Variants in TMC2 observed in about 807,000 individuals in gnomAD.
The protein encoded by TMC2 is transmembrane channel-like protein 2.
In TMC2, 102 loss-of-function variants were observed where a neutral mutation model predicts 105.9. That is an observed-to-expected ratio of 0.96 (90% CI 0.82 to 1.14). The LOEUF is 1.14. Among genes scored for constraint, TMC2 ranks in the 50% most tolerant of loss-of-function variants. TMC2 has a pLI of 0.00. For synonymous variants in TMC2, 402 were observed against 422.8 expected, an observed-to-expected ratio of 0.95 and a Z score of 0.60; for missense variants, 1,093 against 1,134.3, an observed-to-expected ratio of 0.96 and a Z score of 0.52.
chr20:2,555,340 C>G (rs2085979419), intron 2 of TMC2, among the ~76,000 whole-genome samples: 1 of 152,202 alleles, frequency 6.6e-6, no homozygotes, highest in African/African-American at 2.4e-5. Flanking sequence ...CTCAGCCTCC[C>G]AAAGTGCTGG....
chr20:2,585,416 T>C (rs2146204307), intron 7 of TMC2, among the ~76,000 whole-genome samples: 1 of 152,320 alleles, frequency 6.6e-6, no homozygotes, highest in Admixed American at 6.5e-5. Flanking sequence ...CATTATCTAT[T>C]GCTGGGTAAC....
chr20:2,611,823 T>C (rs1332674981), intron 12 of TMC2, among the ~76,000 whole-genome samples: 2 of 142,046 alleles, frequency 1.4e-5, no homozygotes, highest in Admixed American at 1.5e-4. Context: ...AATGCTTAGA[T>C]GGATGAATGG....
At chr20:2,553,452 G>A (rs2085968469) in intron 2 of TMC2, among the ~76,000 whole-genome samples, 1 of 152,006 alleles carries the variant, frequency 6.6e-6, no homozygotes, top group South Asian at 2.1e-4. Flanking sequence ...TTTGGCCTTG[G>A]TATACAACTC....
intron 12 of TMC2, among the ~76,000 whole-genome samples, chr20:2,611,636 G>A (rs2086439023): frequency 6.6e-6 from 1 of 152,106 alleles, no homozygotes; most frequent in Admixed American, 6.6e-5. Context: ...GTATCAGTCT[G>A]TTCTGTAATT....
chr20:2,598,197 GAA>G (rs11472755), intron 10 of TMC2, among the ~76,000 whole-genome samples: 2 of 132,400 alleles, frequency 1.5e-5, no homozygotes, highest in African/African-American at 2.9e-5. Context: ...CTAGTGAAAT[GAA>G]AAAAAAAAAA....
chr20:2,638,327 A>G (rs1568533818), intron 19 of TMC2, among the ~76,000 whole-genome samples: 1 of 104,948 alleles, frequency 9.5e-6, no homozygotes, highest in Non-Finnish European at 2.0e-5. Context: ...ACTGCACTCC[A>G]GCCTGGGCAA....
intron 2 of TMC2, among the ~76,000 whole-genome samples, chr20:2,539,157 G>A (rs974767810): frequency 1.3e-5 from 2 of 152,204 alleles, no homozygotes; most frequent in East Asian, 3.8e-4. Context: ...TTACATTTAG[G>A]AGAGCGTGTG....
At chr20:2,600,434 T>G (rs1456438535) in intron 10 of TMC2, among the ~76,000 whole-genome samples, 1 of 152,078 alleles carries the variant, frequency 6.6e-6, no homozygotes, top group Non-Finnish European at 1.5e-5. Context: ...TCCCAGCACT[T>G]TGGGAGGCTG....
intron 10 of TMC2, 108 bp downstream of exon 10, chr20:2,597,406 T>A (rs2086316714): frequency 3.4e-6 from 4 of 1,172,734 alleles, no homozygotes; most frequent in Non-Finnish European, 4.8e-6. Context: ...AAATAATTTG[T>A]GGCAAGAGCC....
At chr20:2,545,382 G>A (rs1019440921) in intron 2 of TMC2, among the ~76,000 whole-genome samples, 5 of 152,086 alleles carry the variant, frequency 3.3e-5, no homozygotes, top group African/African-American at 4.8e-5. Context: ...TACTGACCTC[G>A]TTTTCCTAGA....
chr20:2,610,448 GT>G lies in TMC2; in HGVS notation c.1447del (p.Cys483ValfsTer20). The G allele has an allele frequency of 6.2e-7, 1 of 1,612,732 alleles. No homozygotes were observed. On this transcript the variant is annotated frameshift_variant, in exon 12 of 20. Coordinates refer to ENST00000358864, the MANE Select transcript of TMC2 (RefSeq NM_080751.3). LOFTEE classifies it high-confidence loss of function. ...VEIVMSLLGM[F>X]CPPLFETIAA... Reference sequence around the variant, plus strand: ...AGATCGTGATGTCCCTGCTTGGAATGTTTTGTCCCCCTCTGTTTGAAACCAT... The same window carrying G: ...AGATCGTGATGTCCCTGCTTGGAATGTTTGTCCCCCTCTGTTTGAAACCAT...
intron 4 of TMC2, among the ~76,000 whole-genome samples, chr20:2,570,929 G>T (rs2122854370): frequency 6.6e-6 from 1 of 152,168 alleles, no homozygotes; most frequent in Non-Finnish European, 1.5e-5. Context: ...AATGGTGCTG[G>T]GATAACTGGC....
Position 2,616,171 on chromosome 20 carries a change from T to C in TMC2, c.1907T>C (p.Val636Ala), listed in dbSNP as rs1243408846. Residue 636 changes from valine (V) to alanine (A), a missense_variant, in exon 15 of 20, where the codon GTG (valine) becomes GCG (alanine). Val to Ala is a moderately conservative substitution (Grantham distance 64). Transcript: ENST00000358864. The surrounding 1 kb of genome is among the most constrained non-coding windows in gnomAD (Gnocchi z 4.8). The part of the protein sequence containing the change: ...SYAEFDISGN[V>A]LGLIFNQGMI... Reference sequence around the variant, plus strand: ...GCTGAGTTTGATATTAGTGGAAATGTGCTGGGTTTGATCTTCAACCAAGGA... The same window carrying C: ...GCTGAGTTTGATATTAGTGGAAATGCGCTGGGTTTGATCTTCAACCAAGGA... 1.2e-6 allele frequency: 2 copies of C among 1,613,628 alleles called. No individual in the cohort carries two copies. The highest frequency in any genetic ancestry group is 1.7e-6 in the Non-Finnish European group (2 of 1,179,718).
rs559174785 is a variant in TMC2 at position 2,605,860 on chromosome 20, T to C, written c.1413+3559T>C. Among the ~76,000 whole-genome samples, 65 of 152,202 alleles carry C rather than the reference T, an allele frequency of 4.3e-4. 1 individual carries two copies. The highest frequency in any genetic ancestry group is 7.8e-4 in the Non-Finnish European group (53 of 68,002). ...GGCAGCTTGCTGTTTAGGCTGGAAG[T>C]GGAAAAGAGAAGGAAAAGGTGCTGT... On this transcript the variant is annotated intron_variant, in intron 11 of 19. Coordinates refer to ENST00000358864, the MANE Select transcript of TMC2 (RefSeq NM_080751.3).
intron 7 of TMC2, among the ~76,000 whole-genome samples, chr20:2,582,754 G>C (rs955816036): frequency 6.6e-6 from 1 of 152,200 alleles, no homozygotes; most frequent in Non-Finnish European, 1.5e-5. Flanking sequence ...GGGATTACAG[G>C]CATGAGCCAC....
intron 2 of TMC2, among the ~76,000 whole-genome samples, chr20:2,544,925 G>A (rs1600094330): frequency 6.6e-6 from 1 of 151,876 alleles, no homozygotes; most frequent in African/African-American, 2.4e-5. Flanking sequence ...GCCAGGCATG[G>A]TGGCGCATAC....
chr20:2,596,494 G>A (rs4815397), intron 9 of TMC2, among the ~76,000 whole-genome samples: 34,336 of 151,768 alleles, frequency 0.23, 4,242 homozygotes, highest in East Asian at 0.36. Context: ...TTAGCCAGGC[G>A]TCCTGGCAGG....
intron 2 of TMC2, among the ~76,000 whole-genome samples, chr20:2,542,185 G>C (rs1469606514): frequency 6.6e-6 from 1 of 152,182 alleles, no homozygotes; most frequent in African/African-American, 2.4e-5. Context: ...GTACAAATGA[G>C]AGTTCACAAA....
At chr20:2,553,207 C>G (rs1466071321) in intron 2 of TMC2, among the ~76,000 whole-genome samples, 1 of 152,168 alleles carries the variant, frequency 6.6e-6, no homozygotes, top group East Asian at 1.9e-4. Flanking sequence ...TTTCTCACCA[C>G]TAAGTATGAT....
Sources: gnomAD v4.1 joint callset for allele counts (sites outside exome capture counted in the v4.1 genomes callset) on GRCh38, gnomAD v4.1.1 for gene constraint, Gnocchi (gnomAD v3.1) non-coding constraint, MANE v1.5 for transcripts, NCBI Gene and HGNC (gene_info 2026-07-23, HGNC 2026-07-21) for gene names.